Variants in KCNH3 observed in about 807,000 individuals in gnomAD.
KCNH3 encodes the protein voltage-gated inwardly rectifying potassium channel KCNH3.
KCNH3 carries 36 observed loss-of-function variants against 95.6 expected under a neutral mutation model. The observed-to-expected ratio is 0.38, with a 90% CI of 0.29 to 0.50. KCNH3 has a LOEUF of 0.50. Among genes scored for constraint, KCNH3 ranks in the 20% least tolerant of loss-of-function variants. The probability of loss-of-function intolerance (pLI) is 0.95; values close to 1 mark genes in which losing one functional copy is unlikely to be tolerated. For missense variants in KCNH3, 1,030 were observed against 1,484.1 expected (o/e 0.69, Z 5.03); for synonymous variants, 620 against 646.3 (o/e 0.96, Z 0.62).
At chr12:49,544,954 C>CT (rs917227768) in intron 7 of KCNH3, among the ~76,000 whole-genome samples, 3 of 152,174 alleles carry the variant, frequency 2.0e-5, no homozygotes, top group Non-Finnish European at 4.4e-5. Flanking sequence ...GCTCACCACC[C>CT]ACTCACATCT....
chr12:49,539,781 G>A lies in KCNH3; in HGVS notation c.76+289G>A, dbSNP rs1389055260. Among the ~76,000 whole-genome samples, 1 of 152,182 alleles carries A rather than the reference G, an allele frequency of 6.6e-6. No individual in the cohort carries two copies. The highest frequency in any genetic ancestry group is 1.5e-5 in the Non-Finnish European group (1 of 68,032). On this transcript the variant is annotated intron_variant, in intron 1 of 14. Coordinates refer to ENST00000257981, the MANE Select transcript of KCNH3 (RefSeq NM_012284.3). This position sits in a 1 kb window ranked among gnomAD's most constrained non-coding sequence, Gnocchi z 6.7. Reference sequence around the variant, plus strand: ...CGGGTCTCGAACCCGAACCTAGTCAGTCTGACCCATCCCACCCCTGCGTCT... The same window carrying A: ...CGGGTCTCGAACCCGAACCTAGTCAATCTGACCCATCCCACCCCTGCGTCT...
Position 49,556,449 on chromosome 12 carries a change from T to A in KCNH3, c.2548T>A (p.Cys850Ser). The A allele has an allele frequency of 6.2e-7, 1 of 1,613,964 alleles. No homozygotes were observed. ...CCGCGTGGGCCAGTCTGGCCCGGAA[T>A]GTAGCAGCAGCCCCTCCCCTGGACC... Reference protein sequence around the residue: ...SFRVGQSGPECSSSPSPGPES... With the variant: ...SFRVGQSGPESSSSPSPGPES... Residue 850 changes from cysteine to serine, a missense_variant, in exon 13 of 15, where the codon TGT (cysteine) becomes AGT (serine). Transcript: ENST00000257981.
At position 49,543,506 on chromosome 12, in the gene KCNH3, C is replaced by T; in HGVS notation, c.811C>T (p.Leu271Phe). ...CGTCTGTGACCTGGCCGTGGAGGTCCTCTTCATCCTTGGTGCGTGCACTCT... is the reference window on the plus strand; with the variant it reads ...CGTCTGTGACCTGGCCGTGGAGGTCTTCTTCATCCTTGGTGCGTGCACTCT... ...PSVCDLAVEVLFILDIVLNFR... is the reference protein window; with the variant it reads ...PSVCDLAVEVFFILDIVLNFR... Residue 271 changes from leucine (L) to phenylalanine (F), a missense_variant, in exon 5 of 15, where the codon CTC (leucine) becomes TTC (phenylalanine). Around this residue, in one of 9 missense-constraint regions of KCNH3, gnomAD observed 153 missense variants for 288.5 expected, o/e 0.53. Coordinates refer to ENST00000257981, the MANE Select transcript of KCNH3 (RefSeq NM_012284.3). 6.3e-7 allele frequency: 1 copy of T among 1,597,632 alleles called. No individual in the cohort carries two copies. Among genetic ancestry groups the T allele is most frequent in the Non-Finnish European group, 8.5e-7 (1 of 1,177,964 alleles).
intron 10 of KCNH3, 65 bp from the exon 11 acceptor site, chr12:49,554,272 G>T (rs111581767): frequency 2.3e-6 from 3 of 1,311,178 alleles, no homozygotes; most frequent in African/African-American, 1.4e-5. Context: ...GCAACCTGCA[G>T]CCCCCTCTTC....
At chr12:49,554,838 A>C (rs1938379350) in intron 11 of KCNH3, among the ~76,000 whole-genome samples, 1 of 152,078 alleles carries the variant, frequency 6.6e-6, no homozygotes, top group Non-Finnish European at 1.5e-5. Context: ...TGGCACAGGG[A>C]GGGGTGGCTC....
chr12:49,541,398 G>A (rs1426802110), intron 2 of KCNH3, among the ~76,000 whole-genome samples: 1 of 152,086 alleles, frequency 6.6e-6, no homozygotes, highest in Admixed American at 6.6e-5. Context: ...TCCGCATTTC[G>A]GCAGGGCAGA....
At position 49,555,756 on chromosome 12, in the gene KCNH3, GCAC is replaced by G. The variant is rs1481771051; in HGVS notation, c.2275_2277del (p.Thr759del). The G allele has an allele frequency of 6.2e-7, 1 of 1,613,442 alleles. No individual in the cohort carries two copies. The highest frequency in any genetic ancestry group is 1.7e-5 in the Admixed American group (1 of 59,964). On this transcript the variant is annotated inframe_deletion, in exon 12 of 15. Coordinates refer to ENST00000257981, the MANE Select transcript of KCNH3 (RefSeq NM_012284.3). ...TCCAGCCCCCTGCTGTCCCCTGGCT[GCAC>G]CTCCTCATCCTCAGCTGCCAAGCTG...
At chr12:49,556,296 G>C (rs1038579281) in intron 12 of KCNH3, 74 bp from the exon 13 acceptor site, 21 of 1,095,594 alleles carry the variant, frequency 1.9e-5, no homozygotes, top group Non-Finnish European at 2.7e-5. Flanking sequence ...GTGGACGCTG[G>C]GGCATCCCGT....
At position 49,554,450 on chromosome 12, in the gene KCNH3, C is replaced by T; in HGVS notation, c.2032C>T (p.Leu678=). ...CVLQCLQLAG[L]HDSLALYPEF... ...CCTGCAGTGTCTGCAGCTGGCTGGC[C>T]TGCACGACAGCCTTGCGCTGTACCC... Residue 678 remains leucine, a synonymous_variant, in exon 11 of 15, where the codon CTG becomes TTG. Coordinates refer to ENST00000257981, the MANE Select transcript of KCNH3 (RefSeq NM_012284.3). 6.2e-7 allele frequency: 1 copy of T among 1,613,470 alleles called. No individual in the cohort carries two copies. Among genetic ancestry groups the T allele is most frequent in the South Asian group, 1.1e-5 (1 of 91,092 alleles).
chr12:49,543,881 C>T (rs1186164958), intron 5 of KCNH3, 34 bp from the exon 6 acceptor site: 30 of 1,588,460 alleles, frequency 1.9e-5, no homozygotes, highest in African/African-American at 2.7e-5. Context: ...GCCCCCCCAG[C>T]CCCAGTGCTG....
chr12:49,547,795 T>C (rs948059068), intron 7 of KCNH3, among the ~76,000 whole-genome samples: 9 of 152,050 alleles, frequency 5.9e-5, no homozygotes, highest in Admixed American at 5.2e-4. Flanking sequence ...CTGCATCCTG[T>C]GACCCCAAGC....
chr12:49,539,499 C>G lies in KCNH3; in HGVS notation c.76+7C>G. 2 of 1,588,160 alleles carry G rather than the reference C, an allele frequency of 1.3e-6. No individual in the cohort carries two copies. Among genetic ancestry groups the G allele is most frequent in the Non-Finnish European group, 1.7e-6 (2 of 1,169,186 alleles). On this transcript the variant is annotated splice_region_variant and intron_variant, in intron 1 of 14. Transcript: ENST00000257981. This position sits in a 1 kb window ranked among gnomAD's most constrained non-coding sequence, Gnocchi z 6.7. ...ACGCGCTTCGACGGCACGCGTGAGTCCGACCCTCGCCCACTTGCACCCGGG... is the reference window on the plus strand; with the variant it reads ...ACGCGCTTCGACGGCACGCGTGAGTGCGACCCTCGCCCACTTGCACCCGGG...
intron 4 of KCNH3, 32 bp downstream of exon 4, chr12:49,542,871 G>A (rs200735886): frequency 6.3e-7 from 1 of 1,598,668 alleles, no homozygotes; most frequent in East Asian, 2.2e-5. Context: ...GTGGGAGAGG[G>A]GAGGGGCAGA....
At chr12:49,553,899 T>G (rs777232461) in intron 10 of KCNH3, among the ~76,000 whole-genome samples, 64 of 152,202 alleles carry the variant, frequency 4.2e-4, no homozygotes, top group Non-Finnish European at 7.3e-4. Flanking sequence ...GAATCACCTG[T>G]GGGACTTAAA....
rs1938550155 is a variant in KCNH3, at chr12:49,558,151, C to A, written c.*198C>A. On this transcript the variant is annotated 3_prime_UTR_variant, in exon 15 of 15. Transcript: ENST00000257981. ...GCTGGATCCCTGGGGCAGGCCTCTCCTCGGCCTGCTCCTCTGACCTCCCGG... is the reference window on the plus strand; with the variant it reads ...GCTGGATCCCTGGGGCAGGCCTCTCATCGGCCTGCTCCTCTGACCTCCCGG... 1.0e-5 allele frequency: 5 copies of A among 488,694 alleles called. No individual in the cohort carries two copies. In the South Asian group the frequency reaches 4.5e-4, roughly 44 times the overall value. 30.3% of individuals were successfully genotyped at this position (488,694 alleles called of 1,614,324 possible).
At chr12:49,550,386 G>A in intron 10 of KCNH3, 57 bp downstream of exon 10, 1 of 1,535,764 alleles carries the variant, frequency 6.5e-7, no homozygotes, top group South Asian at 1.2e-5. Flanking sequence ...CCATGGCCCT[G>A]ATCTGTGGAA....
Position 49,555,828 on chromosome 12 carries a change from G to A in KCNH3, c.2345G>A (p.Arg782Lys). The A allele has an allele frequency of 6.2e-7, 1 of 1,613,386 alleles. No homozygotes were observed. Among genetic ancestry groups the A allele is most frequent in the South Asian group, 1.1e-5 (1 of 91,024 alleles). Residue 782 changes from arginine (R) to lysine (K), a missense_variant, in exon 12 of 15, where the codon AGA becomes AAA. Physicochemically the swap from Arg to Lys is conservative, Grantham distance 26. Around this residue, in one of 9 missense-constraint regions of KCNH3, gnomAD observed 464 missense variants for 493.2 expected, o/e 0.94. Coordinates refer to ENST00000257981, the MANE Select transcript of KCNH3 (RefSeq NM_012284.3). ...GCACCCCGGCCTCGTCTAGGTGGCAGAGGGAGGCCAGGCAGGGCAGGGGCT... is the reference window on the plus strand; with the variant it reads ...GCACCCCGGCCTCGTCTAGGTGGCAAAGGGAGGCCAGGCAGGGCAGGGGCT... ...RTAPRPRLGG[R>K]GRPGRAGALK...
chr12:49,552,562 G>C (rs534749747), intron 10 of KCNH3, among the ~76,000 whole-genome samples: 30 of 152,220 alleles, frequency 2.0e-4, no homozygotes, highest in African/African-American at 7.2e-4. Context: ...CTTTTTACTC[G>C]AACATCCAAG....
At position 49,550,313 on chromosome 12, in the gene KCNH3, C is replaced by T. The variant is rs776171255; in HGVS notation, c.1902C>T (p.Thr634=). The T allele has an allele frequency of 1.9e-6, 3 of 1,604,276 alleles. No homozygotes were observed. Among genetic ancestry groups the T allele is most frequent in the South Asian group, 1.1e-5 (1 of 90,938 alleles). The part of the protein sequence containing the change: ...SGSMEVLKGG[T]VLAILGKGDL... ...CCATGGAGGTGCTCAAGGGTGGCAC[C>T]GTGCTCGCCATCCTAGGTTTGTGAG... Residue 634 remains threonine (T), a synonymous_variant, in exon 10 of 15, where the codon ACC becomes ACT. Coordinates refer to ENST00000257981, the MANE Select transcript of KCNH3 (RefSeq NM_012284.3).
Sources: allele counts gnomAD v4.1 joint callset (sites outside exome capture counted in the v4.1 genomes callset), GRCh38; gene constraint gnomAD v4.1.1; regional missense constraint gnomAD v4.1.1; non-coding constraint Gnocchi (gnomAD v3.1); transcripts MANE v1.5; gene names NCBI Gene and HGNC (gene_info 2026-07-23, HGNC 2026-07-21).